Variants in SPOPL observed in about 807,000 individuals in gnomAD.
SPOPL encodes the protein speckle-type POZ protein-like.
SPOPL carries 23 observed loss-of-function variants against 53.8 expected under a neutral mutation model. That is an observed-to-expected ratio of 0.43 (90% confidence interval 0.31 to 0.61). SPOPL has a LOEUF of 0.61. SPOPL is among the 20% of genes least tolerant of loss of function. SPOPL has a pLI of 0.12. For synonymous variants in SPOPL, 164 were observed against 149.7 expected, an observed-to-expected ratio of 1.10 and a Z score of -0.70; for missense variants, 442 against 466.9, an observed-to-expected ratio of 0.95 and a Z score of 0.49.
intron 1 of SPOPL, among the ~76,000 whole-genome samples, chr2:138,542,833 A>T (rs1198182527): frequency 1.3e-5 from 2 of 152,052 alleles, no homozygotes; most frequent in Admixed American, 1.3e-4. Context: ...CCTAGCCTCG[A>T]TGGTCTTTAC....
chr2:138,517,308 G>A (rs570995161), intron 1 of SPOPL, among the ~76,000 whole-genome samples: 2 of 152,240 alleles, frequency 1.3e-5, no homozygotes, highest in East Asian at 1.9e-4. Context: ...TAGAACTTCC[G>A]ACAATTATTA....
intron 1 of SPOPL, among the ~76,000 whole-genome samples, chr2:138,548,658 T>C (rs920551327): frequency 1.3e-5 from 2 of 152,038 alleles, no homozygotes; most frequent in African/African-American, 4.8e-5. Context: ...TTCTTATTTG[T>C]AAAAATTCTT....
At chr2:138,521,365 CT>C (rs58220797) in intron 1 of SPOPL, among the ~76,000 whole-genome samples, 16,938 of 134,654 alleles carry the variant, frequency 0.13, 1,107 homozygotes, top group East Asian at 0.26. Context: ...GACCCCAGAG[CT>C]TTTTTTTTTT....
intron 1 of SPOPL, among the ~76,000 whole-genome samples, chr2:138,528,013 T>G (rs898312463): frequency 6.6e-6 from 1 of 152,202 alleles, no homozygotes; most frequent in African/African-American, 2.4e-5. Context: ...TTATCTTTTC[T>G]CCTTATTTTT....
chr2:138,542,602 A>T (rs192569378), intron 1 of SPOPL, among the ~76,000 whole-genome samples: 1 of 151,924 alleles, frequency 6.6e-6, no homozygotes, highest in Non-Finnish European at 1.5e-5. Flanking sequence ...ATCTTCCTCC[A>T]TCCCTTTATT....
intron 1 of SPOPL, among the ~76,000 whole-genome samples, chr2:138,531,172 T>C (rs1036962927): frequency 6.6e-6 from 1 of 151,838 alleles, no homozygotes; most frequent in African/African-American, 2.4e-5. Context: ...ATAATATAAT[T>C]ATATACTTAT....
chr2:138,541,980 T>G (rs1685082063), intron 1 of SPOPL, among the ~76,000 whole-genome samples: 1 of 152,212 alleles, frequency 6.6e-6, no homozygotes, highest in South Asian at 2.1e-4. Context: ...ATTTCTGCCT[T>G]CATTTCGTTA....
At chr2:138,509,164 AC>A (rs1368497157) in intron 1 of SPOPL, among the ~76,000 whole-genome samples, 1 of 152,164 alleles carries the variant, frequency 6.6e-6, no homozygotes, top group African/African-American at 2.4e-5. Flanking sequence ...ATGTATATAT[AC>A]CTAAAGTGAA....
Position 138,527,082 on chromosome 2 carries a change from T to G in SPOPL, c.-60-23075T>G, listed in dbSNP as rs571851367. Among the ~76,000 whole-genome samples the G allele has an allele frequency of 2.6e-5, 4 of 152,316 alleles. 1 individual carries two copies. In the South Asian group the frequency reaches 8.3e-4, roughly 32 times the overall value. On this transcript the variant is annotated intron_variant, in intron 1 of 10. Transcript: ENST00000280098. ...TTCTTAACAGCATTTACCCCTTGCC[T>G]TAATACAGTATTCAGATTTTAGTCT... is the stretch of plus-strand genomic sequence containing the variant.
intron 5 of SPOPL, among the ~76,000 whole-genome samples, chr2:138,556,895 G>A (rs753261550): frequency 2.0e-5 from 3 of 152,132 alleles, no homozygotes; most frequent in Non-Finnish European, 2.9e-5. Flanking sequence ...GGTGGCTCAC[G>A]CCTGTAATCC....
At chr2:138,519,703 A>G (rs2104863082) in intron 1 of SPOPL, among the ~76,000 whole-genome samples, 1 of 152,276 alleles carries the variant, frequency 6.6e-6, no homozygotes, top group East Asian at 1.9e-4. Context: ...CTGAGGCAAG[A>G]AGATTGCTTG....
intron 1 of SPOPL, among the ~76,000 whole-genome samples, chr2:138,502,394 C>G (rs1359799281): frequency 1.3e-5 from 2 of 152,246 alleles, no homozygotes; most frequent in Non-Finnish European, 2.9e-5. Flanking sequence ...TCCAGGATCC[C>G]CTTTAGTTTT....
intron 1 of SPOPL, among the ~76,000 whole-genome samples, chr2:138,516,010 T>G (rs181643738): frequency 1.3e-5 from 2 of 152,340 alleles, no homozygotes; most frequent in East Asian, 3.9e-4. Flanking sequence ...TTTGTAAGAT[T>G]TTTATTTTGG....
chr2:138,527,175 T>G (rs1684694881), intron 1 of SPOPL, among the ~76,000 whole-genome samples: 1 of 152,234 alleles, frequency 6.6e-6, no homozygotes, highest in Non-Finnish European at 1.5e-5. Flanking sequence ...TTTGTAGTTT[T>G]ATCCAGATGT....
chr2:138,535,757 C>G (rs1340443671), intron 1 of SPOPL, among the ~76,000 whole-genome samples: 4 of 151,834 alleles, frequency 2.6e-5, no homozygotes, highest in Non-Finnish European at 4.4e-5. Flanking sequence ...CCTTCTGATA[C>G]TCCCATTATA....
chr2:138,549,297 A>G (rs1685263503), intron 1 of SPOPL, among the ~76,000 whole-genome samples: 2 of 152,018 alleles, frequency 1.3e-5, no homozygotes, highest in Non-Finnish European at 2.9e-5. Flanking sequence ...TTTATCTCTC[A>G]TAACAATTTT....
Position 138,550,489 on chromosome 2 carries a change from G to A in SPOPL, c.85G>A (p.Val29Ile), listed in dbSNP as rs1313279785. The change falls in exon 3 of 11, where the codon GTA becomes ATA. Residue 29 changes from valine (V) to isoleucine (I), a missense_variant. Physicochemically the swap from Val to Ile is conservative, Grantham distance 29. Transcript: ENST00000280098. ...GGTTTTCTGAATCTCTTAGGTTAAA[G>A]TAGTAAAATTTTCCTATATGTGGAC... ...AESWCYTQVK[V>I]VKFSYMWTIN... is the part of the protein sequence containing the mutation. 6.8e-6 allele frequency: 11 copies of A among 1,606,782 alleles called. No individual in the cohort carries two copies. Among genetic ancestry groups the A allele is most frequent in the Non-Finnish European group, 9.4e-6 (11 of 1,175,498 alleles).
intron 8 of SPOPL, among the ~76,000 whole-genome samples, chr2:138,561,426 A>C (rs994985302): frequency 2.0e-5 from 3 of 152,204 alleles, no homozygotes; most frequent in African/African-American, 7.2e-5. Context: ...TGCAAAAAAC[A>C]TCAGAAAAAT....
chr2:138,529,546 G>GCGCA (rs1385882098), intron 1 of SPOPL, among the ~76,000 whole-genome samples: 7 of 151,452 alleles, frequency 4.6e-5, no homozygotes, highest in African/African-American at 9.7e-5. Context: ...TTGCGTGCGC[G>GCGCA]CGCGCTTCTG....
Sources: gnomAD v4.1 joint callset for allele counts (sites outside exome capture counted in the v4.1 genomes callset) on GRCh38, gnomAD v4.1.1 for gene constraint, MANE v1.5 for transcripts, NCBI Gene and HGNC (gene_info 2026-07-23, HGNC 2026-07-21) for gene names.